Variants in SUSD4 observed in about 807,000 individuals in gnomAD.
SUSD4 encodes sushi domain-containing protein 4.
In SUSD4, 41 loss-of-function variants were observed where a neutral mutation model predicts 50.5. The observed-to-expected ratio is 0.81, with a 90% CI of 0.63 to 1.05. The LOEUF (loss-of-function observed/expected upper bound fraction) is 1.05. Ranked by LOEUF, SUSD4 falls within the 50% of genes least tolerant of loss-of-function variation. SUSD4 has a pLI of 0.00. For synonymous variants in SUSD4, 257 were observed against 257.3 expected, an observed-to-expected ratio of 1.00 and a Z score of 0.01; for missense variants, 580 against 634.7, an observed-to-expected ratio of 0.91 and a Z score of 0.93.
At chr1:223,252,121 C>T (rs1360140628) in intron 5 of SUSD4, among the ~76,000 whole-genome samples, 3 of 147,496 alleles carry the variant, frequency 2.0e-5, no homozygotes, top group Non-Finnish European at 3.0e-5. Flanking sequence ...CTAATGTAAA[C>T]GACGAGTTAA....
chr1:223,281,703 A>G (rs1663746426), intron 3 of SUSD4, among the ~76,000 whole-genome samples: 1 of 152,176 alleles, frequency 6.6e-6, no homozygotes, highest in Admixed American at 6.5e-5. Flanking sequence ...ATTCCAATCA[A>G]TAGAAAAAGA....
intron 3 of SUSD4, 65 bp downstream of exon 3, chr1:223,292,374 T>C (rs760517917): frequency 1.9e-6 from 3 of 1,568,174 alleles, no homozygotes; most frequent in Admixed American, 1.7e-5. Context: ...CACACAGCCC[T>C]GCACCCCTGT....
chr1:223,322,264 A>C (rs1210539451), intron 2 of SUSD4, among the ~76,000 whole-genome samples: 1 of 152,208 alleles, frequency 6.6e-6, no homozygotes, highest in Non-Finnish European at 1.5e-5. Flanking sequence ...CCAGAAGAAA[A>C]GGAAATGTTA....
chr1:223,251,601 C>G (rs548925658), intron 5 of SUSD4, among the ~76,000 whole-genome samples: 2 of 152,302 alleles, frequency 1.3e-5, no homozygotes, highest in South Asian at 4.1e-4. Flanking sequence ...TTTATGGCTG[C>G]ATAGTATTTC....
At chr1:223,254,343 T>C (rs1257883326) in intron 5 of SUSD4, among the ~76,000 whole-genome samples, 1 of 152,132 alleles carries the variant, frequency 6.6e-6, no homozygotes, top group Non-Finnish European at 1.5e-5. Flanking sequence ...CTTCTTCCTC[T>C]GACCTCAGTC....
chr1:223,312,054 T>C (rs778129291), intron 2 of SUSD4, among the ~76,000 whole-genome samples: 12 of 152,292 alleles, frequency 7.9e-5, no homozygotes, highest in Non-Finnish European at 1.8e-4. Context: ...TGAGCAGAAA[T>C]CACGTGCTCC....
chr1:223,284,619 A>G (rs1664008827), intron 3 of SUSD4, among the ~76,000 whole-genome samples: 1 of 152,240 alleles, frequency 6.6e-6, no homozygotes, highest in Non-Finnish European at 1.5e-5. Context: ...GTATTCAACA[A>G]TAGATGAATG....
At chr1:223,335,573 A>G (rs572092541) in intron 2 of SUSD4, among the ~76,000 whole-genome samples, 9 of 152,320 alleles carry the variant, frequency 5.9e-5, no homozygotes, top group East Asian at 3.9e-4. Context: ...GAAGCCCCCA[A>G]TTTGAAAGGC....
At chr1:223,241,840 G>C (rs1170340375) in intron 5 of SUSD4, among the ~76,000 whole-genome samples, 1 of 152,200 alleles carries the variant, frequency 6.6e-6, no homozygotes, top group Non-Finnish European at 1.5e-5. Flanking sequence ...ATCAAAGAAA[G>C]GAGTGCCTTT....
rs901229933 is a variant in SUSD4 at position 223,252,504 on chromosome 1, G to A, written c.724+12126C>T. ...AATGTCAAGCAGAATGGTAGGCAAA[G>A]GTCCCATTGGCATGCTGCTTTAGCC... On this transcript the variant is annotated intron_variant, in intron 5 of 8. Transcript: ENST00000366878. Among the ~76,000 whole-genome samples the A allele has an allele frequency of 2.0e-5, 3 of 152,114 alleles. No homozygotes were observed. In the East Asian group the frequency reaches 5.8e-4, roughly 30 times the overall value.
intron 4 of SUSD4, among the ~76,000 whole-genome samples, chr1:223,266,341 T>C (rs771354834): frequency 7.9e-5 from 12 of 151,932 alleles, no homozygotes; most frequent in Non-Finnish European, 1.6e-4. Context: ...GGGGAGGAGG[T>C]TGGGGATCAG....
At chr1:223,354,049 AAAG>A (rs1668520207) in intron 2 of SUSD4, among the ~76,000 whole-genome samples, 1 of 151,722 alleles carries the variant, frequency 6.6e-6, no homozygotes, top group Non-Finnish European at 1.5e-5. Flanking sequence ...AAAAAAAAAG[AAAG>A]TAGCAAAAAG....
At chr1:223,240,261 T>C (rs775527701) in intron 5 of SUSD4, among the ~76,000 whole-genome samples, 1 of 152,260 alleles carries the variant, frequency 6.6e-6, no homozygotes, top group Middle Eastern at 3.4e-3. Context: ...GTTGCAGTTG[T>C]TTTAGTTTTT....
chr1:223,292,586 C>T lies in SUSD4; in HGVS notation c.214G>A (p.Gly72Arg), dbSNP rs199677878. 3.5e-5 allele frequency: 57 copies of T among 1,614,120 alleles called. No homozygotes were observed. The highest frequency in any genetic ancestry group is 1.6e-4 in the Middle Eastern group (1 of 6,062). Reference sequence around the variant, plus strand: ...ACAGAGCCTTCAAAGAAAACCCCTCCGCTGGGGGTCCTGAAGCCATTCTCG... The same window carrying T: ...ACAGAGCCTTCAAAGAAAACCCCTCTGCTGGGGGTCCTGAAGCCATTCTCG... Reference protein sequence around the residue: ...IPENGFRTPSGGVFFEGSVAR... With the variant: ...IPENGFRTPSRGVFFEGSVAR... The change falls in exon 3 of 9, where the codon GGA (glycine) becomes AGA (arginine). Residue 72 changes from glycine (G) to arginine (R), a missense_variant. Gly to Arg is a moderately radical substitution (Grantham distance 125). Transcript: ENST00000366878.
chr1:223,269,272 A>G (rs1323832658), intron 3 of SUSD4, among the ~76,000 whole-genome samples: 1 of 152,232 alleles, frequency 6.6e-6, no homozygotes, highest in African/African-American at 2.4e-5. Flanking sequence ...AATCTCACAA[A>G]GGCTCAGAGC....
rs1219112188 is a variant in SUSD4, at chr1:223,291,944, T to C, written c.361+495A>G. On this transcript the variant is annotated intron_variant, in intron 3 of 8. Transcript: ENST00000366878. Reference sequence around the variant, plus strand: ...TTTAGGGATAATTGCTAGAAATAAATGTCTACCTCGTTAATCTGTCACTGC... The same window carrying C: ...TTTAGGGATAATTGCTAGAAATAAACGTCTACCTCGTTAATCTGTCACTGC... 2.0e-5 allele frequency among the ~76,000 whole-genome samples: 3 copies of C among 152,342 alleles called. No individual in the cohort carries two copies. In the East Asian group the frequency reaches 5.8e-4, roughly 29 times the overall value.
chr1:223,222,176 TGGATCTTGACCCATATTAG>T lies in SUSD4; in HGVS notation c.1470_*15del, dbSNP rs1260819482. The T allele has an allele frequency of 1.2e-6, 2 of 1,613,138 alleles. No individual in the cohort carries two copies. Among genetic ancestry groups the T allele is most frequent in the Non-Finnish European group, 1.7e-6 (2 of 1,179,608 alleles). The stretch of plus-strand genomic sequence containing the variant: ...TCCCCGAAGGAGCAGGAGAGTCATC[TGGATCTTGACCCATATTAG>T]GGATCTTCTTCCATTAGAGGAATCT... On this transcript the variant is annotated stop_lost and 3_prime_UTR_variant, in exon 9 of 9. Transcript: ENST00000366878.
At chr1:223,264,894 G>T (rs758044641) in intron 4 of SUSD4, 76 bp from the exon 5 acceptor site, 20 of 1,445,746 alleles carry the variant, frequency 1.4e-5, no homozygotes, top group Non-Finnish European at 1.5e-5. Context: ...CAGAACACTG[G>T]AACTTTTTAG....
intron 2 of SUSD4, among the ~76,000 whole-genome samples, chr1:223,348,496 C>T (rs1343751200): frequency 6.6e-6 from 1 of 152,172 alleles, no homozygotes; most frequent in African/African-American, 2.4e-5. Flanking sequence ...TAGACAGAAG[C>T]CACTTTGTAA....
Sources: allele counts gnomAD v4.1 joint callset (sites outside exome capture counted in the v4.1 genomes callset), GRCh38; gene constraint gnomAD v4.1.1; transcripts MANE v1.5; gene names NCBI Gene and HGNC (gene_info 2026-07-23, HGNC 2026-07-21).